NINL: variants seen among roughly 807,000 people sequenced by gnomAD.
The protein encoded by NINL is ninein-like protein.
Under a neutral mutation model 160.3 loss-of-function variants are expected in NINL, and 153 were observed. The ratio of observed to expected loss-of-function variants is 0.95; its 90% CI spans 0.84 to 1.09. NINL has a LOEUF of 1.09. NINL is among the 50% of genes least tolerant of loss of function. NINL has a pLI of 0.00. For synonymous variants in NINL, 800 were observed against 734.8 expected (o/e 1.09, Z -1.43); for missense variants, 1,829 against 1,764.0 (o/e 1.04, Z -0.66).
intron 1 of NINL, among the ~76,000 whole-genome samples, chr20:25,542,697 T>TAAAAA (rs71185304): frequency 1.9e-5 from 1 of 51,402 alleles, no homozygotes; most frequent in African/African-American, 8.5e-5. Flanking sequence ...TTGCTTTCAC[T>TAAAAA]AAAAAAAAAA....
intron 1 of NINL, among the ~76,000 whole-genome samples, chr20:25,569,541 C>T (rs1275494694): frequency 6.6e-6 from 1 of 152,204 alleles, no homozygotes; most frequent in Non-Finnish European, 1.5e-5. Context: ...GCCAGCGGCC[C>T]ATGTCTCAGA....
At chr20:25,459,958 G>A (rs1262634275) in intron 21 of NINL, among the ~76,000 whole-genome samples, 2 of 152,120 alleles carry the variant, frequency 1.3e-5, no homozygotes, top group East Asian at 3.9e-4. Context: ...AGGCAGAGCG[G>A]CAGATGGGGC....
At chr20:25,525,034 C>T (rs1282371567) in intron 2 of NINL, among the ~76,000 whole-genome samples, 1 of 151,738 alleles carries the variant, frequency 6.6e-6, no homozygotes, top group African/African-American at 2.4e-5. Flanking sequence ...CATCTATGTC[C>T]CAAACACACT....
At position 25,498,260 on chromosome 20, in the gene NINL, G is replaced by A. The variant is rs147180681; in HGVS notation, c.1119C>T (p.Ala373=). 23 of 1,613,204 alleles carry A rather than the reference G, an allele frequency of 1.4e-5. No individual in the cohort carries two copies. Among genetic ancestry groups the A allele is most frequent in the East Asian group, 2.2e-5 (1 of 44,866 alleles). Residue 373 remains alanine, a synonymous_variant, in exon 9 of 24, where the codon GCC becomes GCT. Coordinates refer to ENST00000278886, the MANE Select transcript of NINL (RefSeq NM_025176.6). ...LDNELMTVDS[A]VQQAALACYH... is the part of the protein sequence containing the mutation. ...AGCAGGCCAGGGCTGCCTGCTGGAC[G>A]GCACTGTCCACTGTCATGAGCTCGT...
At chr20:25,552,730 T>C (rs1376589841) in intron 1 of NINL, among the ~76,000 whole-genome samples, 1 of 152,204 alleles carries the variant, frequency 6.6e-6, no homozygotes, top group East Asian at 1.9e-4. Flanking sequence ...CCAGGCTATG[T>C]CCAGGAGAGA....
chr20:25,550,777 A>T (rs1438740938), intron 1 of NINL, among the ~76,000 whole-genome samples: 4 of 152,190 alleles, frequency 2.6e-5, no homozygotes, highest in Non-Finnish European at 1.5e-5. Context: ...CTATCTCAGT[A>T]AATAGAATGT....
intron 14 of NINL, among the ~76,000 whole-genome samples, chr20:25,481,208 A>C (rs1345831077): frequency 6.6e-6 from 1 of 152,094 alleles, no homozygotes; most frequent in Non-Finnish European, 1.5e-5. Flanking sequence ...TGAGGGGCTG[A>C]GGTTGCCATG....
chr20:25,463,404 G>A (rs1045505755), intron 19 of NINL, among the ~76,000 whole-genome samples: 85 of 152,058 alleles, frequency 5.6e-4, no homozygotes, highest in African/African-American at 2.0e-3. Flanking sequence ...ACACACAAGC[G>A]TAGCTCTTGG....
intron 3 of NINL, 94 bp from the exon 4 acceptor site, chr20:25,513,100 G>A: frequency 7.7e-7 from 1 of 1,298,626 alleles, no homozygotes; most frequent in Non-Finnish European, 1.1e-6. Flanking sequence ...TGCACACTCA[G>A]CACCGAGTGT....
chr20:25,456,656 T>G (rs2090689074), intron 22 of NINL, among the ~76,000 whole-genome samples: 1 of 152,176 alleles, frequency 6.6e-6, no homozygotes, highest in African/African-American at 2.4e-5. Flanking sequence ...AGTGGCCTAG[T>G]GAGGTGGTTT....
intron 8 of NINL, 134 bp from the exon 9 acceptor site, chr20:25,498,480 A>C: frequency 2.5e-6 from 3 of 1,190,458 alleles, no homozygotes; most frequent in Non-Finnish European, 2.3e-6. Context: ...CTGTCTGCCA[A>C]GGTCTCTGCG....
chr20:25,516,092 A>C (rs2064155381), intron 3 of NINL, among the ~76,000 whole-genome samples: 1 of 151,998 alleles, frequency 6.6e-6, no homozygotes, highest in Non-Finnish European at 1.5e-5. Context: ...GGTTGTTTAA[A>C]AGTGTGTAGC....
At chr20:25,573,840 A>C (rs2065083567) in intron 1 of NINL, among the ~76,000 whole-genome samples, 1 of 152,226 alleles carries the variant, frequency 6.6e-6, no homozygotes, top group Non-Finnish European at 1.5e-5. Context: ...AGGAGACCTG[A>C]AAAGTTTCCA....
intron 1 of NINL, among the ~76,000 whole-genome samples, chr20:25,551,184 T>C (rs2064803868): frequency 6.6e-6 from 1 of 152,146 alleles, no homozygotes; most frequent in African/African-American, 2.4e-5. Flanking sequence ...ACATGTTTTC[T>C]GGGAGCACAG....
At chr20:25,559,023 C>A (rs1230257871) in intron 1 of NINL, among the ~76,000 whole-genome samples, 1 of 152,220 alleles carries the variant, frequency 6.6e-6, no homozygotes, top group Non-Finnish European at 1.5e-5. Flanking sequence ...TTCTGTAACA[C>A]TTTTAGTTTT....
At position 25,461,519 on chromosome 20, in the gene NINL, C is replaced by CA; in HGVS notation, c.3696+2dup. 6.5e-7 allele frequency: 1 copy of CA among 1,544,772 alleles called. No homozygotes were observed. The highest frequency in any genetic ancestry group is 8.7e-7 in the Non-Finnish European group (1 of 1,146,632). ...AGTGCCTCCAGCCATCGCTCACACC[C>CA]ACCTGGTCTTGACTTTCCTCAAGGG... On this transcript the variant is annotated splice_region_variant and intron_variant, in intron 21 of 23. Transcript: ENST00000278886.
Position 25,517,080 on chromosome 20 carries a change from G to C in NINL, c.277+673C>G, listed in dbSNP as rs550833973. Among the ~76,000 whole-genome samples, 181 of 152,130 alleles carry C rather than the reference G, an allele frequency of 1.2e-3. 1 individual carries two copies. Among genetic ancestry groups the C allele is most frequent in the Admixed American group, 2.7e-3 (41 of 15,284 alleles). On this transcript the variant is annotated intron_variant, in intron 3 of 23. Coordinates refer to ENST00000278886, the MANE Select transcript of NINL (RefSeq NM_025176.6). ...AAGCTCAATGCCATACGCTCACACA[G>C]AAAACCTCTGTGTGAGCCTGGTCCC...
intron 1 of NINL, among the ~76,000 whole-genome samples, chr20:25,575,832 A>G (rs1314832825): frequency 1.3e-5 from 2 of 151,910 alleles, no homozygotes; most frequent in Non-Finnish European, 2.9e-5. Context: ...TGGCTTCACC[A>G]CCTGTTTCCA....
chr20:25,564,806 A>T (rs971355796), intron 1 of NINL, among the ~76,000 whole-genome samples: 3 of 5,860 alleles, frequency 5.1e-4, no homozygotes, highest in Non-Finnish European at 3.0e-3. Flanking sequence ...CCCCACAATT[A>T]AAAAAAAAAA....
Sources: allele counts gnomAD v4.1 joint callset (sites outside exome capture counted in the v4.1 genomes callset), GRCh38; gene constraint gnomAD v4.1.1; transcripts MANE v1.5; gene names NCBI Gene and HGNC (gene_info 2026-07-23, HGNC 2026-07-21).